Variants in KANK1 observed in about 807,000 individuals in gnomAD.
KANK1 encodes KN motif and ankyrin repeat domain-containing protein 1.
A neutral mutation model predicts 106.2 loss-of-function variants in KANK1; 109 were observed. The observed-to-expected ratio is 1.03, with a 90% CI of 0.88 to 1.20. The LOEUF is 1.20. KANK1 is among the 50% of genes most tolerant of loss of function. KANK1 has a pLI of 0.00. For missense variants in KANK1, 2,399 were observed against 1,710.7 expected (o/e 1.40, Z -7.10); for synonymous variants, 873 against 652.2 (o/e 1.34, Z -5.16).
chr9:582,520 G>T (rs1330612659), intron 1 of KANK1, among the ~76,000 whole-genome samples: 1 of 152,130 alleles, frequency 6.6e-6, no homozygotes, highest in Admixed American at 6.5e-5. Flanking sequence ...AGAATCCTCA[G>T]TGGCTAGCCT....
intron 1 of KANK1, among the ~76,000 whole-genome samples, chr9:507,119 A>T (rs923687362): frequency 5.3e-5 from 8 of 149,880 alleles, no homozygotes; most frequent in Non-Finnish European, 7.4e-5. Flanking sequence ...TGCATGGGTG[A>T]CAGCTTATGC....
intron 1 of KANK1, among the ~76,000 whole-genome samples, chr9:508,078 T>G (rs2132706382): frequency 7.3e-6 from 1 of 137,848 alleles, no homozygotes; most frequent in East Asian, 2.5e-4. Context: ...CGCCTCTGCC[T>G]CCCAAAGTGT....
At chr9:585,476 A>G (rs984542073) in intron 1 of KANK1, among the ~76,000 whole-genome samples, 5 of 152,234 alleles carry the variant, frequency 3.3e-5, no homozygotes, top group Admixed American at 1.3e-4. Flanking sequence ...TGGAATTAAT[A>G]AAAGACGCTT....
chr9:622,946 A>G (rs74785183), intron 1 of KANK1, among the ~76,000 whole-genome samples: 486 of 152,284 alleles, frequency 3.2e-3, no homozygotes, highest in Non-Finnish European at 4.3e-3. Context: ...CTGAAACCAT[A>G]TAATTTCTAG....
chr9:695,996 T>G (rs1193112980), intron 2 of KANK1, among the ~76,000 whole-genome samples: 1 of 152,052 alleles, frequency 6.6e-6, no homozygotes, highest in Non-Finnish European at 1.5e-5. Flanking sequence ...AATACAAACA[T>G]AAATACTGCT....
intron 1 of KANK1, among the ~76,000 whole-genome samples, chr9:585,310 C>T (rs1306373952): frequency 6.6e-6 from 1 of 152,194 alleles, no homozygotes; most frequent in Non-Finnish European, 1.5e-5. Flanking sequence ...ATGGTACTTG[C>T]AATTAGAACA....
At chr9:666,343 T>G (rs1336019503) in intron 1 of KANK1, among the ~76,000 whole-genome samples, 1 of 152,198 alleles carries the variant, frequency 6.6e-6, no homozygotes. Context: ...ATTCACTTAT[T>G]ACTTCTAATA....
chr9:513,179 T>G (rs1238418587), intron 1 of KANK1, among the ~76,000 whole-genome samples: 1 of 152,074 alleles, frequency 6.6e-6, no homozygotes, highest in African/African-American at 2.4e-5. Flanking sequence ...TCTCTTTGGC[T>G]TTTAAACTCA....
At chr9:609,584 C>T (rs766669357) in intron 1 of KANK1, among the ~76,000 whole-genome samples, 2 of 152,014 alleles carry the variant, frequency 1.3e-5, no homozygotes, top group African/African-American at 4.8e-5. Context: ...GAGCTGAGAT[C>T]GCTCCACTGT....
Position 654,814 on chromosome 9 carries a change from TGAGAGAGAGA to T in KANK1, c.-83-22051_-83-22042del, listed in dbSNP as rs57089042. Reference sequence around the variant, plus strand: ...CAATATGCATTTGTGTGTGTGTGTGTGAGAGAGAGAGAGAGAGAGAGAGAGAGAGAGAGAT... The same window carrying T: ...CAATATGCATTTGTGTGTGTGTGTGTGAGAGAGAGAGAGAGAGAGAGAGAT... On this transcript the variant is annotated intron_variant, in intron 1 of 11. Coordinates refer to ENST00000382297, the MANE Select transcript of KANK1 (RefSeq NM_015158.5). 6.8e-3 allele frequency among the ~76,000 whole-genome samples: 549 copies of T among 80,524 alleles called. 2 individuals are homozygous for T. Among genetic ancestry groups the T allele is most frequent in the Middle Eastern group, 0.016 (2 of 122 alleles). 52.8% of individuals were successfully genotyped at this position (80,524 alleles called of 152,430 possible).
chr9:676,704 T>C lies in KANK1; in HGVS notation c.-83-186T>C, dbSNP rs12685890. On this transcript the variant is annotated intron_variant, in intron 1 of 11. Transcript: ENST00000382297. The stretch of plus-strand genomic sequence containing the variant: ...CCCCCTTTCAGTATGTAGCCACTGG[T>C]ACATCCGTGGGTGTTATCTCCATAC... 0.11 allele frequency among the ~76,000 whole-genome samples: 17,297 copies of C among 152,218 alleles called. 1,476 individuals carry two copies. Among genetic ancestry groups the C allele is most frequent in the East Asian group, 0.24 (1,230 of 5,182 alleles).
chr9:605,300 C>CAA (rs34315668), intron 1 of KANK1, among the ~76,000 whole-genome samples: 1,524 of 106,718 alleles, frequency 0.014, 47 homozygotes, highest in African/African-American at 0.05. Context: ...GACTCCGTCT[C>CAA]AAAAAAAAAA....
intron 1 of KANK1, among the ~76,000 whole-genome samples, chr9:608,584 C>T (rs567406354): frequency 1.3e-5 from 2 of 149,366 alleles, no homozygotes; most frequent in East Asian, 1.9e-4. Flanking sequence ...CAAGAGTGGG[C>T]TCTCTCTCTA....
At chr9:704,109 T>G (rs1455295187) in intron 2 of KANK1, among the ~76,000 whole-genome samples, 1 of 152,240 alleles carries the variant, frequency 6.6e-6, no homozygotes, top group East Asian at 1.9e-4. Flanking sequence ...TCTTTCTCCT[T>G]TTTAAGATCT....
intron 2 of KANK1, chr9:707,304 T>C: frequency 1.1e-6 from 1 of 892,794 alleles, no homozygotes; most frequent in South Asian, 5.1e-5. Context: ...CCGGGGGGCC[T>C]GGGCGAGGGG....
intron 1 of KANK1, among the ~76,000 whole-genome samples, chr9:624,982 G>A (rs554440994): frequency 6.6e-6 from 1 of 152,234 alleles, no homozygotes; most frequent in African/African-American, 2.4e-5. Context: ...TAACTTTTTT[G>A]TTCCTTAATT....
intron 1 of KANK1, among the ~76,000 whole-genome samples, chr9:614,754 G>C (rs1831398691): frequency 6.6e-6 from 1 of 151,946 alleles, no homozygotes; most frequent in South Asian, 2.1e-4. Flanking sequence ...GTAGGTTGTG[G>C]GCCTTGTGGA....
chr9:669,057 A>G (rs1845317361), intron 1 of KANK1, among the ~76,000 whole-genome samples: 1 of 152,134 alleles, frequency 6.6e-6, no homozygotes, highest in South Asian at 2.1e-4. Context: ...AAAAAAAAGA[A>G]TAAATAAAAA....
At chr9:616,948 A>T (rs149335961) in intron 1 of KANK1, among the ~76,000 whole-genome samples, 31 of 152,328 alleles carry the variant, frequency 2.0e-4, no homozygotes, top group African/African-American at 6.7e-4. Flanking sequence ...GAGGGTGGGG[A>T]TATGTGATTC....
Sources: allele counts gnomAD v4.1 joint callset (sites outside exome capture counted in the v4.1 genomes callset), GRCh38; gene constraint gnomAD v4.1.1; transcripts MANE v1.5; gene names NCBI Gene and HGNC (gene_info 2026-07-23, HGNC 2026-07-21).